Variants in AGTPBP1 observed in about 807,000 individuals in gnomAD.
The protein encoded by AGTPBP1 is ATP/GTP binding carboxypeptidase 1, also known as cytosolic carboxypeptidase 1.
Under a neutral mutation model 143.9 loss-of-function variants are expected in AGTPBP1, and 70 were observed. That is an observed-to-expected ratio of 0.49 (90% CI 0.40 to 0.59). The LOEUF (loss-of-function observed/expected upper bound fraction) is 0.59, where lower values mean the gene tolerates loss of function less well. Among genes scored for constraint, AGTPBP1 ranks in the 20% least tolerant of loss-of-function variants. The probability of loss-of-function intolerance (pLI) is 0.00; values close to 1 mark genes in which losing one functional copy is unlikely to be tolerated. For synonymous variants in AGTPBP1, 463 were observed against 500.2 expected, an observed-to-expected ratio of 0.93 and a Z score of 0.99; for missense variants, 1,229 against 1,464.5, an observed-to-expected ratio of 0.84 and a Z score of 2.62.
intron 1 of AGTPBP1, among the ~76,000 whole-genome samples, chr9:85,724,777 G>A (rs1457758759): frequency 6.6e-6 from 1 of 152,136 alleles, no homozygotes; most frequent in Non-Finnish European, 1.5e-5. Flanking sequence ...TGAGGGCATG[G>A]ATCTTTGTTT....
chr9:85,791,322 C>T, the AGTPBP1 span, among the ~76,000 whole-genome samples: 153 of 151,108 alleles, frequency 1.0e-3, 1 homozygote, highest in South Asian at 1.7e-3. Flanking sequence ...TGCAGTGAGC[C>T]GAGATCGCGC....
chr9:85,741,086 A>G (rs986112047), intron 1 of AGTPBP1, among the ~76,000 whole-genome samples: 12 of 152,330 alleles, frequency 7.9e-5, no homozygotes, highest in African/African-American at 2.6e-4. Flanking sequence ...GAACACTTGC[A>G]ATTGAGAACC....
chr9:85,560,843 A>G (rs1386882447), intron 25 of AGTPBP1, among the ~76,000 whole-genome samples: 1 of 152,180 alleles, frequency 6.6e-6, no homozygotes, highest in African/African-American at 2.4e-5. Flanking sequence ...CAGAGGATAT[A>G]GTGAAAAGAT....
chr9:85,621,521 C>A (rs1830934509), intron 14 of AGTPBP1, among the ~76,000 whole-genome samples: 2 of 137,478 alleles, frequency 1.5e-5, no homozygotes, highest in African/African-American at 3.2e-5. Flanking sequence ...GCCACAAGTC[C>A]AATCATTTAA....
chr9:85,805,277 G>T, the AGTPBP1 span: 1 of 127,190 alleles, frequency 7.9e-6, no homozygotes, highest in African/African-American at 2.9e-5. Context: ...CCCCGCCCCC[G>T]CCCCGAGGCT....
intron 8 of AGTPBP1, among the ~76,000 whole-genome samples, chr9:85,665,531 A>G (rs1834080607): frequency 6.6e-6 from 1 of 152,170 alleles, no homozygotes; most frequent in East Asian, 1.9e-4. Flanking sequence ...ATAATAACTT[A>G]CATGCAATCA....
chr9:85,642,516 T>C (rs892418435), intron 13 of AGTPBP1, among the ~76,000 whole-genome samples: 2 of 151,778 alleles, frequency 1.3e-5, no homozygotes, highest in African/African-American at 4.8e-5. Flanking sequence ...TATATTTTAG[T>C]AGTGACGGGG....
the AGTPBP1 span, among the ~76,000 whole-genome samples, chr9:85,768,076 T>C: frequency 1.3e-5 from 2 of 152,186 alleles, no homozygotes; most frequent in Non-Finnish European, 2.9e-5. Flanking sequence ...TAGTTACCCA[T>C]TGCCACGTAT....
At chr9:85,557,574 C>G (rs1252198539) in intron 25 of AGTPBP1, among the ~76,000 whole-genome samples, 7 of 152,076 alleles carry the variant, frequency 4.6e-5, no homozygotes, top group African/African-American at 1.7e-4. Flanking sequence ...TTATGTGTAC[C>G]ACAGCTATTA....
At chr9:85,622,632 A>G (rs977909935) in intron 14 of AGTPBP1, among the ~76,000 whole-genome samples, 1 of 152,214 alleles carries the variant, frequency 6.6e-6, no homozygotes, top group African/African-American at 2.4e-5. Flanking sequence ...CATTACTGAC[A>G]TAGTAGTCTA....
At chr9:85,676,074 T>C (rs1485040278) in intron 6 of AGTPBP1, among the ~76,000 whole-genome samples, 1 of 152,118 alleles carries the variant, frequency 6.6e-6, no homozygotes, top group East Asian at 1.9e-4. Flanking sequence ...AGCTGTAGCA[T>C]GTTAGATTGT....
intron 2 of AGTPBP1, among the ~76,000 whole-genome samples, chr9:85,700,389 A>G (rs534859269): frequency 2.0e-5 from 3 of 152,292 alleles, no homozygotes; most frequent in African/African-American, 4.8e-5. Context: ...GGAAAAAAAG[A>G]GAGATGTGGC....
chr9:85,644,658 GT>G (rs1168716470), intron 12 of AGTPBP1, among the ~76,000 whole-genome samples: 1 of 152,104 alleles, frequency 6.6e-6, no homozygotes, highest in Non-Finnish European at 1.5e-5. Flanking sequence ...CTTATATACG[GT>G]CAAGTTGTGG....
intron 18 of AGTPBP1, among the ~76,000 whole-genome samples, chr9:85,593,564 C>T (rs921306800): frequency 2.6e-5 from 4 of 152,198 alleles, no homozygotes; most frequent in African/African-American, 9.6e-5. Context: ...TTGTGATAAT[C>T]GCATTGTAGT....
At chr9:85,796,023 T>C in the AGTPBP1 span, among the ~76,000 whole-genome samples, 2 of 152,030 alleles carry the variant, frequency 1.3e-5, no homozygotes, top group East Asian at 1.9e-4. Context: ...ACCAGTAATA[T>C]TACAGTGTAA....
chr9:85,630,391 C>CTTACTTACTTAT (rs777830669), intron 14 of AGTPBP1, among the ~76,000 whole-genome samples: 7 of 151,370 alleles, frequency 4.6e-5, no homozygotes, highest in East Asian at 1.9e-4. Context: ...TACTTACTTA[C>CTTACTTACTTAT]TTATTTATTT....
the AGTPBP1 span, among the ~76,000 whole-genome samples, chr9:85,756,959 G>A: frequency 5.3e-5 from 8 of 150,412 alleles, no homozygotes; most frequent in African/African-American, 1.5e-4. Context: ...GGGATTGGGC[G>A]GGGGAAATAG....
intron 11 of AGTPBP1, among the ~76,000 whole-genome samples, chr9:85,654,660 T>C (rs1419682068): frequency 1.1e-4 from 16 of 152,162 alleles, no homozygotes. Context: ...CTGGCCAACA[T>C]GGCGAAAACC....
At chr9:85,663,184 GTTGTGT>G (rs1283102142) in intron 8 of AGTPBP1, among the ~76,000 whole-genome samples, 2 of 152,176 alleles carry the variant, frequency 1.3e-5, no homozygotes, top group Non-Finnish European at 2.9e-5. Flanking sequence ...TTTTCAGCGA[GTTGTGT>G]TTGAATATTC....
Sources: allele counts gnomAD v4.1 joint callset (sites outside exome capture counted in the v4.1 genomes callset), GRCh38; gene constraint gnomAD v4.1.1; transcripts MANE v1.5; gene names NCBI Gene and HGNC (gene_info 2026-07-23, HGNC 2026-07-21).